EPPK1: variants seen among roughly 807,000 people sequenced by gnomAD.
EPPK1 encodes the protein epiplakin 1.
For synonymous variants in EPPK1, 1,862 were observed against 1,721.2 expected, an observed-to-expected ratio of 1.08 and a Z score of -2.03; for missense variants, 3,823 against 3,673.3, an observed-to-expected ratio of 1.04 and a Z score of -1.05.
rs1227857148 is a variant in EPPK1 at position 143,869,701 on chromosome 8, C to G, written c.3553G>C (p.Glu1185Gln). ...CGGGCCTGGGCCAGGAGCTTGGTCTCCTGTACCCACCTCTGCACAGAGGCT... is the reference window on the plus strand; with the variant it reads ...CGGGCCTGGGCCAGGAGCTTGGTCTGCTGTACCCACCTCTGCACAGAGGCT... ...LLASVQRWVQ[E>Q]TKLLAQARVM... Residue 1185 changes from glutamate to glutamine, a missense_variant, in exon 2 of 2, where the codon GAG becomes CAG. Coordinates refer to ENST00000615648, the MANE Select transcript of EPPK1 (RefSeq NM_031308.4). 2 of 1,595,686 alleles carry G rather than the reference C, an allele frequency of 1.3e-6. No homozygotes were observed. The highest frequency in any genetic ancestry group is 8.5e-7 in the Non-Finnish European group (1 of 1,172,192).
At chr8:143,877,440 G>C (rs1277339872) in intron 1 of EPPK1, among the ~76,000 whole-genome samples, 1 of 152,174 alleles carries the variant, frequency 6.6e-6, no homozygotes, top group East Asian at 1.9e-4. Context: ...AGGCCGAGCA[G>C]ATTTCCCCGG....
rs782045792 is a variant in EPPK1 at position 143,871,077 on chromosome 8, G to A, written c.2177C>T (p.Thr726Met). 15 of 1,612,976 alleles carry A rather than the reference G, an allele frequency of 9.3e-6. No individual in the cohort carries two copies. Among genetic ancestry groups the A allele is most frequent in the South Asian group, 2.2e-5 (2 of 91,066 alleles). The change falls in exon 2 of 2, where the codon ACG (threonine) becomes ATG (methionine). Residue 726 changes from threonine to methionine, a missense_variant. Transcript: ENST00000615648. The stretch of plus-strand genomic sequence containing the variant: ...GTGCACGGGGTCGATGACGCCGCCC[G>A]TGGCGATCTGGGCCTCCAGCAGGCG... ...GIRLLEAQIA[T>M]GGVIDPVHSH... is the part of the protein sequence containing the mutation.
rs1463867856 is a variant in EPPK1 at position 143,869,396 on chromosome 8, A to G, written c.3858T>C (p.Ser1286=). 1 of 1,609,424 alleles carries G rather than the reference A, an allele frequency of 6.2e-7. No homozygotes were observed. Among genetic ancestry groups the G allele is most frequent in the South Asian group, 1.1e-5 (1 of 90,840 alleles). Residue 1286 remains serine (S), a synonymous_variant, in exon 2 of 2, where the codon TCT becomes TCC. Coordinates refer to ENST00000615648, the MANE Select transcript of EPPK1 (RefSeq NM_031308.4). ...TGTTCAGGGGGTCAACAAGGAAGCCAGATGCCACCTGGGCTTCCAGCAGCC... is the reference window on the plus strand; with the variant it reads ...TGTTCAGGGGGTCAACAAGGAAGCCGGATGCCACCTGGGCTTCCAGCAGCC... The part of the protein sequence containing the change: ...GQRLLEAQVA[S]GFLVDPLNNQ...
At position 143,869,224 on chromosome 8, in the gene EPPK1, T is replaced by C; in HGVS notation, c.4030A>G (p.Lys1344Glu). The C allele has an allele frequency of 6.2e-7, 1 of 1,610,838 alleles. No individual in the cohort carries two copies. The highest frequency in any genetic ancestry group is 8.5e-7 in the Non-Finnish European group (1 of 1,179,650). ...ASLSLWQAME[K>E]GLVPQNEGLP... is the part of the protein sequence containing the mutation. The stretch of plus-strand genomic sequence containing the variant: ...CCCTCGTTCTGTGGCACGAGCCCCT[T>C]CTCCATGGCCTGCCACAGAGAGAGG... The change falls in exon 2 of 2, where the codon AAG (lysine) becomes GAG (glutamate). Residue 1344 changes from lysine to glutamate, a missense_variant. Physicochemically the swap from Lys to Glu is moderately conservative, Grantham distance 56. Coordinates refer to ENST00000615648, the MANE Select transcript of EPPK1 (RefSeq NM_031308.4).
Position 143,867,638 on chromosome 8 carries a change from T to C in EPPK1, c.5616A>G (p.Thr1872=). 1.9e-6 allele frequency: 3 copies of C among 1,613,360 alleles called. No individual in the cohort carries two copies. Among genetic ancestry groups the C allele is most frequent in the Non-Finnish European group, 2.5e-6 (3 of 1,179,862 alleles). Residue 1872 remains threonine, a synonymous_variant, in exon 2 of 2, where the codon ACA becomes ACG. Transcript: ENST00000615648. ...GTCCCCCAGTCCTCCCCACACGAAG[T>C]GTGTGCAGGGTCTTCTGATCGATGA... ...SRVIDQKTLH[T]LRVGRTGGQA...
Position 143,867,182 on chromosome 8 carries a change from C to G in EPPK1, c.6072G>C (p.Arg2024=), listed in dbSNP as rs781803762. The G allele has an allele frequency of 1.2e-6, 2 of 1,612,744 alleles. No individual in the cohort carries two copies. Among genetic ancestry groups the G allele is most frequent in the African/African-American group, 1.3e-5 (1 of 75,050 alleles). The change falls in exon 2 of 2, where the codon CGG becomes CGC. Residue 2024 remains arginine, a synonymous_variant. Coordinates refer to ENST00000615648, the MANE Select transcript of EPPK1 (RefSeq NM_031308.4). ...GTCTGTAGGCTGTTTCCAGTGGGAG[C>G]CGGTGGTGGTGCTGTGGGTCGATGA... ...GGVIDPQHHH[R]LPLETAYRRG... is the part of the protein sequence containing the mutation.
chr8:143,857,639 C>G lies in EPPK1; in HGVS notation c.*348G>C, dbSNP rs1157155653. On this transcript the variant is annotated 3_prime_UTR_variant, in exon 2 of 2. Coordinates refer to ENST00000615648, the MANE Select transcript of EPPK1 (RefSeq NM_031308.4). Reference sequence around the variant, plus strand: ...AAAAATTACACTGCAACAAGAGTACCCGATGGCATGATGGACTGAGAGTCT... The same window carrying G: ...AAAAATTACACTGCAACAAGAGTACGCGATGGCATGATGGACTGAGAGTCT... The G allele has an allele frequency of 3.5e-6, 1 of 283,346 alleles. No individual in the cohort carries two copies. The highest frequency in any genetic ancestry group is 2.2e-5 in the African/African-American group (1 of 45,854). The allele number at this position is 283,346 out of a possible 1,614,324, so 17.6% of individuals were successfully genotyped here.
intron 1 of EPPK1, among the ~76,000 whole-genome samples, chr8:143,873,885 C>T (rs1369591978): frequency 1.3e-5 from 2 of 152,148 alleles, no homozygotes; most frequent in Non-Finnish European, 2.9e-5. Flanking sequence ...CCTGAGGTCC[C>T]GCCCTCCCTC....
chr8:143,876,041 G>A (rs1481655776), intron 1 of EPPK1, among the ~76,000 whole-genome samples: 2 of 152,166 alleles, frequency 1.3e-5, no homozygotes, highest in East Asian at 3.9e-4. Context: ...CCTGGAGTAG[G>A]AACACTTCTG....
chr8:143,872,782 C>T lies in EPPK1; in HGVS notation c.472G>A (p.Gly158Arg). The T allele has an allele frequency of 6.3e-7, 1 of 1,578,586 alleles. No individual in the cohort carries two copies. The highest frequency in any genetic ancestry group is 1.7e-5 in the Admixed American group (1 of 57,830). The change falls in exon 2 of 2, where the codon GGG (glycine) becomes AGG (arginine). Residue 158 changes from glycine to arginine, a missense_variant. Physicochemically the swap from Gly to Arg is moderately radical, Grantham distance 125 (BLOSUM62 -2). Coordinates refer to ENST00000615648, the MANE Select transcript of EPPK1 (RefSeq NM_031308.4). ...CCCTGGGCGGGGTCCACCAGGCCCC[C>T]AGTGGCCAGTTGGACCTCCAGCCAG... Reference protein sequence around the residue: ...QSWLEVQLATGGLVDPAQGVL... With the variant: ...QSWLEVQLATRGLVDPAQGVL...
chr8:143,875,755 C>G (rs1397952742), intron 1 of EPPK1, among the ~76,000 whole-genome samples: 1 of 152,264 alleles, frequency 6.6e-6, no homozygotes, highest in Non-Finnish European at 1.5e-5. Flanking sequence ...AAGCTGCTGG[C>G]CTGACAGGAT....
chr8:143,873,390 G>C (rs543330318), intron 1 of EPPK1, 92 bp from the exon 2 acceptor site: 1 of 938,970 alleles, frequency 1.1e-6, no homozygotes, highest in Non-Finnish European at 1.5e-6. Context: ...ATGCTGTCCC[G>C]GGCTGGGCTC....
Position 143,872,855 on chromosome 8 carries a change from G to A in EPPK1, c.399C>T (p.Leu133=), listed in dbSNP as rs1554661734. The change falls in exon 2 of 2, where the codon CTC becomes CTT. Residue 133 remains leucine (L), a synonymous_variant. Transcript: ENST00000615648. ...PDPYGGEKLA[L]FQAIGKEVVD... Reference sequence around the variant, plus strand: ...CAACCTCCTTCCCGATGGCCTGAAAGAGGGCCAGCTTCTCACCGCCGTAGG... The same window carrying A: ...CAACCTCCTTCCCGATGGCCTGAAAAAGGGCCAGCTTCTCACCGCCGTAGG... 2 of 1,568,168 alleles carry A rather than the reference G, an allele frequency of 1.3e-6. No individual in the cohort carries two copies. The highest frequency in any genetic ancestry group is 1.7e-6 in the Non-Finnish European group (2 of 1,156,704).
At chr8:143,878,356 A>ACCCGCACCCGCCGCATCTG (rs1819522651) in intron 1 of EPPK1, 82 bp downstream of exon 1, 1 of 45,248 alleles carries the variant, frequency 2.2e-5, no homozygotes, top group African/African-American at 1.0e-4. Context: ...CCGAGCCCGC[A>ACCCGCACCCGCCGCATCTG]CCCGCACCCG....
In EPPK1 at chr8:143,866,843, G is replaced by T; in HGVS notation, c.6411C>A (p.Leu2137=). The change falls in exon 2 of 2, where the codon CTC becomes CTA. Residue 2137 remains leucine (L), a synonymous_variant. Coordinates refer to ENST00000615648, the MANE Select transcript of EPPK1 (RefSeq NM_031308.4). ...NSEYVTEEKK[L]QLVRMYRTHT... ...GTGTTCTATACATCCTCACCAGCTG[G>T]AGCTTCTTCTCCTCTGTCACGTATT... is the stretch of plus-strand genomic sequence containing the variant. 1 of 1,613,350 alleles carries T rather than the reference G, an allele frequency of 6.2e-7. No individual in the cohort carries two copies. The highest frequency in any genetic ancestry group is 1.3e-5 in the African/African-American group (1 of 75,034).
In EPPK1 at chr8:143,871,152, G is replaced by C. The variant is rs782199244; in HGVS notation, c.2102C>G (p.Ser701Cys). ...YTDPYTGQQISLFQAMQKGLI... is the reference protein window; with the variant it reads ...YTDPYTGQQICLFQAMQKGLI... ...GCCCTTCTGCATGGCCTGGAAGAGGGAGATCTGCTGCCCGGTGTAGGGGTC... is the reference window on the plus strand; with the variant it reads ...GCCCTTCTGCATGGCCTGGAAGAGGCAGATCTGCTGCCCGGTGTAGGGGTC... Residue 701 changes from serine (S) to cysteine (C), a missense_variant, in exon 2 of 2, where the codon TCC (serine) becomes TGC (cysteine). By Grantham distance (112) the Ser-to-Cys change is moderately radical (BLOSUM62 -1). Coordinates refer to ENST00000615648, the MANE Select transcript of EPPK1 (RefSeq NM_031308.4). The C allele has an allele frequency of 6.2e-7, 1 of 1,613,260 alleles. No individual in the cohort carries two copies. The highest frequency in any genetic ancestry group is 8.5e-7 in the Non-Finnish European group (1 of 1,180,026).
chr8:143,857,666 A>C lies in EPPK1; in HGVS notation c.*321T>G. On this transcript the variant is annotated 3_prime_UTR_variant, in exon 2 of 2. Coordinates refer to ENST00000615648, the MANE Select transcript of EPPK1 (RefSeq NM_031308.4). Reference sequence around the variant, plus strand: ...GATGGCATGATGGACTGAGAGTCTAAAGAGTGACATTCTGTAAAATGGAAG... The same window carrying C: ...GATGGCATGATGGACTGAGAGTCTACAGAGTGACATTCTGTAAAATGGAAG... The C allele has an allele frequency of 3.0e-6, 1 of 337,468 alleles. No individual in the cohort carries two copies. Among genetic ancestry groups the C allele is most frequent in the Non-Finnish European group, 5.3e-6 (1 of 187,656 alleles). The allele number at this position is 337,468 out of a possible 1,614,324, so 20.9% of individuals were successfully genotyped here. A position where few individuals can be genotyped will look rare whatever the true frequency, so the allele number is the denominator to read the frequency against.
Position 143,867,417 on chromosome 8 carries a change from C to A in EPPK1, c.5837G>T (p.Arg1946Leu), listed in dbSNP as rs114128539. The change falls in exon 2 of 2, where the codon CGC becomes CTC. Residue 1946 changes from arginine to leucine, a missense_variant. Physicochemically the swap from Arg to Leu is moderately radical, Grantham distance 102 (BLOSUM62 -2). Transcript: ENST00000615648. ...ATGFLLDPCT[R>L]QKLSVDEAVD... The stretch of plus-strand genomic sequence containing the variant: ...AGCCTCATCCACAGAGAGCTTCTGG[C>A]GGGTGCAGGGGTCCAGGAGGAACCC... The A allele has an allele frequency of 2.5e-6, 4 of 1,612,762 alleles. No individual in the cohort carries two copies. Among genetic ancestry groups the A allele is most frequent in the Middle Eastern group, 1.6e-4 (1 of 6,062 alleles).
Position 143,869,749 on chromosome 8 carries a change from T to G in EPPK1, c.3505A>C (p.Arg1169=). ...GCTAGCAGCTGTGGCACAGTGGTCC[T>G]CCCCTCCTGCACGTCCTCCAGCAGG... ...RGLLEDVQEG[R]TTVPQLLASV... Residue 1169 remains arginine (R), a synonymous_variant, in exon 2 of 2, where the codon AGG becomes CGG. Transcript: ENST00000615648. The G allele has an allele frequency of 1.2e-6, 2 of 1,601,276 alleles. No homozygotes were observed. Among genetic ancestry groups the G allele is most frequent in the Non-Finnish European group, 1.7e-6 (2 of 1,174,972 alleles).
Sources: allele counts gnomAD v4.1 joint callset (sites outside exome capture counted in the v4.1 genomes callset), GRCh38; gene constraint gnomAD v4.1.1; transcripts MANE v1.5; gene names NCBI Gene and HGNC (gene_info 2026-07-23, HGNC 2026-07-21).